Variants in ADAMTSL1 observed in about 807,000 individuals in gnomAD.
ADAMTSL1 encodes the protein ADAMTS like 1, also known as ADAMTS-like protein 1.
In ADAMTSL1, 126 loss-of-function variants were observed where a neutral mutation model predicts 201.8. The ratio of observed to expected loss-of-function variants is 0.62; its 90% CI spans 0.54 to 0.72. The LOEUF (loss-of-function observed/expected upper bound fraction) is 0.72, where lower values mean the gene tolerates loss of function less well. ADAMTSL1 is among the 30% of genes least tolerant of loss of function. The pLI, the probability that ADAMTSL1 is intolerant of heterozygous loss-of-function variation, is 0.00. For missense variants in ADAMTSL1, 2,679 were observed against 2,277.8 expected (o/e 1.18, Z -3.59); for synonymous variants, 1,121 against 903.4 (o/e 1.24, Z -4.32).
intron 1 of ADAMTSL1, among the ~76,000 whole-genome samples, chr9:18,054,435 C>A (rs963604286): frequency 4.6e-5 from 7 of 152,182 alleles, no homozygotes; most frequent in African/African-American, 1.7e-4. Context: ...CAGACAGTAA[C>A]AAGTCAGAGT....
In ADAMTSL1 at chr9:18,715,869, G is replaced by A. The variant is rs539204338; in HGVS notation, c.1877-5667G>A. ...AGGCTACAGTAACCAAAACAGCATG[G>A]TACTGGTACCAAAACTGAGATATAG... On this transcript the variant is annotated intron_variant, in intron 14 of 28. Transcript: ENST00000380548. Among the ~76,000 whole-genome samples, 8 of 151,818 alleles carry A rather than the reference G, an allele frequency of 5.3e-5. No individual in the cohort carries two copies. In the East Asian group the frequency reaches 1.3e-3, roughly 26 times the overall value.
intron 1 of ADAMTSL1, among the ~76,000 whole-genome samples, chr9:18,095,149 T>C (rs990636712): frequency 6.6e-6 from 1 of 152,124 alleles, no homozygotes; most frequent in African/African-American, 2.4e-5. Flanking sequence ...ACCTTCTGAA[T>C]CATAATCTAT....
intron 2 of ADAMTSL1, among the ~76,000 whole-genome samples, chr9:18,192,191 T>A (rs1388468517): frequency 3.9e-5 from 6 of 152,306 alleles, no homozygotes; most frequent in African/African-American, 1.2e-4. Context: ...TTATATTTCA[T>A]CCTTCTATGC....
At chr9:18,364,549 G>C (rs1263035505) in intron 2 of ADAMTSL1, among the ~76,000 whole-genome samples, 2 of 152,048 alleles carry the variant, frequency 1.3e-5, no homozygotes, top group African/African-American at 2.4e-5. Context: ...GCCTTCATGA[G>C]GTCCAATCAG....
chr9:18,528,332 T>C (rs1157970445), intron 2 of ADAMTSL1, among the ~76,000 whole-genome samples: 1 of 152,146 alleles, frequency 6.6e-6, no homozygotes, highest in Non-Finnish European at 1.5e-5. Context: ...AGCTATTCTT[T>C]CTGGTACTCT....
rs996716478 is a variant in ADAMTSL1, at chr9:18,341,985, C to G, written c.208-162844C>G. Among the ~76,000 whole-genome samples, 3 of 152,092 alleles carry G rather than the reference C, an allele frequency of 2.0e-5. No individual in the cohort carries two copies. In the East Asian group the frequency reaches 5.8e-4, roughly 29 times the overall value. The stretch of plus-strand genomic sequence containing the variant: ...GTTAACATTTATTGGGCATAATATA[C>G]CATATGATGCCGTATTCTGTCTGTA... On this transcript the variant is annotated intron_variant, in intron 2 of 29. Transcript: ENST00000680146.
chr9:18,326,606 C>A (rs888652045), intron 2 of ADAMTSL1, among the ~76,000 whole-genome samples: 1 of 152,090 alleles, frequency 6.6e-6, no homozygotes, highest in African/African-American at 2.4e-5. Flanking sequence ...AAATATTAAT[C>A]AAAAATTGAT....
chr9:17,990,748 C>G (rs1050015107), intron 1 of ADAMTSL1, among the ~76,000 whole-genome samples: 1 of 152,036 alleles, frequency 6.6e-6, no homozygotes, highest in African/African-American at 2.4e-5. Context: ...AGCCACGTTA[C>G]TAGATAATAT....
intron 1 of ADAMTSL1, among the ~76,000 whole-genome samples, chr9:17,912,905 G>T (rs1243131217): frequency 2.0e-5 from 3 of 151,910 alleles, no homozygotes; most frequent in African/African-American, 7.3e-5. Flanking sequence ...TCTACATATG[G>T]CTAGCCAGTT....
At chr9:18,438,911 G>C (rs1180541864) in intron 2 of ADAMTSL1, among the ~76,000 whole-genome samples, 1 of 151,798 alleles carries the variant, frequency 6.6e-6, no homozygotes, top group Non-Finnish European at 1.5e-5. Flanking sequence ...ATTCACACCG[G>C]CTTAGCTCCA....
intron 2 of ADAMTSL1, among the ~76,000 whole-genome samples, chr9:18,293,692 G>A (rs1211814696): frequency 1.3e-5 from 2 of 152,264 alleles, no homozygotes; most frequent in East Asian, 3.9e-4. Flanking sequence ...CCCTCTGCAG[G>A]ATTGTATGTG....
At chr9:18,675,047 A>G (rs1396052494) in intron 9 of ADAMTSL1, among the ~76,000 whole-genome samples, 3 of 152,166 alleles carry the variant, frequency 2.0e-5, no homozygotes, top group Admixed American at 6.5e-5. Flanking sequence ...CACACAGCCT[A>G]TGATATATCT....
intron 9 of ADAMTSL1, among the ~76,000 whole-genome samples, chr9:18,672,410 C>G (rs1251760998): frequency 6.6e-6 from 1 of 152,014 alleles, no homozygotes; most frequent in Non-Finnish European, 1.5e-5. Context: ...TTATAGAAAG[C>G]TTAGAAAACA....
intron 1 of ADAMTSL1, among the ~76,000 whole-genome samples, chr9:18,021,384 A>G (rs891924634): frequency 2.6e-5 from 4 of 152,170 alleles, no homozygotes; most frequent in African/African-American, 7.2e-5. Context: ...GATTTCACAT[A>G]TAGCTTTATT....
chr9:17,993,552 G>C lies in ADAMTSL1; in HGVS notation c.87+86630G>C, dbSNP rs1563938514. On this transcript the variant is annotated intron_variant, in intron 1 of 29. Coordinates refer to the ADAMTSL1 transcript ENST00000680146. ...ATAAATTTTCGTTTTTGGGAAGCCT[G>C]TTCCAATCTAATGAGAAGTGACAGG... Among the ~76,000 whole-genome samples, 5 of 152,256 alleles carry C rather than the reference G, an allele frequency of 3.3e-5. 1 individual carries two copies. The South Asian group carries it at 1.0e-3, about 32-fold the overall frequency.
chr9:18,800,947 G>A (rs1172238740), intron 20 of ADAMTSL1, among the ~76,000 whole-genome samples: 1 of 151,812 alleles, frequency 6.6e-6, no homozygotes, highest in African/African-American at 2.4e-5. Context: ...GGTAATGGTA[G>A]TAATCTGAGC....
chr9:18,698,833 C>A (rs893499757), intron 13 of ADAMTSL1, among the ~76,000 whole-genome samples: 2 of 152,300 alleles, frequency 1.3e-5, no homozygotes, highest in South Asian at 2.1e-4. Flanking sequence ...TTCTTAGAAC[C>A]TGATACCAAT....
intron 2 of ADAMTSL1, among the ~76,000 whole-genome samples, chr9:18,461,700 A>G (rs1820813540): frequency 6.6e-6 from 1 of 152,174 alleles, no homozygotes; most frequent in Non-Finnish European, 1.5e-5. Context: ...GAGTGAGAGA[A>G]GGGAGAAATA....
At chr9:18,532,016 T>G (rs115470471) in intron 2 of ADAMTSL1, among the ~76,000 whole-genome samples, 2,106 of 152,282 alleles carry the variant, frequency 0.014, 57 homozygotes, top group African/African-American at 0.049. Flanking sequence ...TTAAATAAAT[T>G]TATACATATA....
Sources: allele counts gnomAD v4.1 joint callset (sites outside exome capture counted in the v4.1 genomes callset), GRCh38; gene constraint gnomAD v4.1.1; transcripts MANE v1.5; gene names NCBI Gene and HGNC (gene_info 2026-07-23, HGNC 2026-07-21).